Variants in VCF1 observed in about 807,000 individuals in gnomAD.
VCF1 encodes protein VCF1.
the VCF1 span, among the ~76,000 whole-genome samples, chr17:73,224,990 C>CACAGGACAGG: frequency 3.3e-5 from 3 of 92,294 alleles, no homozygotes; most frequent in African/African-American, 1.1e-4. Flanking sequence ...CACAGCACAG[C>CACAGGACAGG]ACAGGACAGG....
At chr17:73,213,188 G>A in the VCF1 span, among the ~76,000 whole-genome samples, 6 of 151,394 alleles carry the variant, frequency 4.0e-5, no homozygotes, top group Non-Finnish European at 8.8e-5. Flanking sequence ...AGGTTGCAGT[G>A]AGCTGAGATC....
At chr17:73,208,082 C>T in the VCF1 span, 1 of 1,423,496 alleles carries the variant, frequency 7.0e-7, no homozygotes, top group Non-Finnish European at 9.2e-7. Flanking sequence ...CTGTGTCTAC[C>T]CTTTTCCCAA....
chr17:73,226,538 A>G, the VCF1 span, among the ~76,000 whole-genome samples: 1 of 152,234 alleles, frequency 6.6e-6, no homozygotes, highest in Non-Finnish European at 1.5e-5. Flanking sequence ...TAGCAGCATT[A>G]CTTTATATTG....
chr17:73,218,224 T>C, the VCF1 span, among the ~76,000 whole-genome samples: 10,071 of 152,274 alleles, frequency 0.066, 416 homozygotes, highest in Non-Finnish European at 0.086. Flanking sequence ...TAAAATTTTG[T>C]GCTTCCAAAG....
the VCF1 span, chr17:73,212,804 T>A: frequency 7.9e-7 from 1 of 1,260,076 alleles, no homozygotes; most frequent in Non-Finnish European, 1.1e-6. Flanking sequence ...TCAAATTATA[T>A]CTATTTCGTA....
the VCF1 span, among the ~76,000 whole-genome samples, chr17:73,224,261 T>C: frequency 1.4e-5 from 1 of 70,352 alleles, no homozygotes; most frequent in African/African-American, 5.8e-5. Flanking sequence ...ACGTCGTCTC[T>C]CCAAAAAAAA....
At chr17:73,225,899 AT>A in the VCF1 span, among the ~76,000 whole-genome samples, 1,212 of 114,712 alleles carry the variant, frequency 0.011, 16 homozygotes, top group African/African-American at 0.038. Context: ...ATATATATAT[AT>A]TTTTTTTTTT....
the VCF1 span, chr17:73,231,973 A>C: frequency 3.3e-6 from 4 of 1,204,336 alleles, no homozygotes; most frequent in Non-Finnish European, 4.6e-6. Context: ...AGTGCACCCC[A>C]CAGGGAGCCC....
chr17:73,229,049 C>T, the VCF1 span, among the ~76,000 whole-genome samples: 1 of 152,166 alleles, frequency 6.6e-6, no homozygotes, highest in Admixed American at 6.6e-5. Flanking sequence ...AAGGAGGTTG[C>T]ATGGCAGAGG....
chr17:73,208,319 C>T, the VCF1 span: 4 of 1,613,384 alleles, frequency 2.5e-6, no homozygotes, highest in South Asian at 3.3e-5. Context: ...GGCAGGTTGT[C>T]CCCCCGGCAC....
chr17:73,222,197 C>A, the VCF1 span, among the ~76,000 whole-genome samples: 155 of 125,906 alleles, frequency 1.2e-3, no homozygotes, highest in South Asian at 1.5e-3. Context: ...GACCCTGTCT[C>A]AAAAAAAAAA....
the VCF1 span, among the ~76,000 whole-genome samples, chr17:73,225,412 GA>G: frequency 2.6e-5 from 4 of 151,910 alleles, no homozygotes; most frequent in Admixed American, 2.6e-4. Flanking sequence ...TAAGAGATCA[GA>G]AATGTTAATT....
At chr17:73,229,432 T>A in the VCF1 span, 2 of 985,464 alleles carry the variant, frequency 2.0e-6, no homozygotes, top group South Asian at 9.4e-5. Flanking sequence ...TATAACTGAT[T>A]ATATTCTTCC....
chr17:73,212,362 G>C, the VCF1 span, among the ~76,000 whole-genome samples: 5 of 152,106 alleles, frequency 3.3e-5, no homozygotes, highest in Non-Finnish European at 5.9e-5. Context: ...ATGGTGCCGA[G>C]GCCATTGGAG....
chr17:73,210,477 A>T, the VCF1 span, among the ~76,000 whole-genome samples: 5 of 149,906 alleles, frequency 3.3e-5, no homozygotes, highest in African/African-American at 1.2e-4. Flanking sequence ...AGTCACTTTC[A>T]TTCTGCAGTT....
At chr17:73,222,160 G>A in the VCF1 span, among the ~76,000 whole-genome samples, 10 of 148,036 alleles carry the variant, frequency 6.8e-5, no homozygotes, top group African/African-American at 2.3e-4. Context: ...ACAGCACCAC[G>A]GCACTCCTGC....
the VCF1 span, among the ~76,000 whole-genome samples, chr17:73,211,795 G>A: frequency 6.6e-6 from 1 of 152,296 alleles, no homozygotes; most frequent in East Asian, 1.9e-4. Flanking sequence ...GGGAGGTGAA[G>A]GTTGCAGTGA....
chr17:73,222,822 G>A, the VCF1 span, among the ~76,000 whole-genome samples: 1 of 151,322 alleles, frequency 6.6e-6, no homozygotes, highest in African/African-American at 2.4e-5. Flanking sequence ...GGCTCTAGCT[G>A]CTCCTGGATA....
chr17:73,228,026 G>T, the VCF1 span, among the ~76,000 whole-genome samples: 1 of 152,264 alleles, frequency 6.6e-6, no homozygotes, highest in South Asian at 2.1e-4. Flanking sequence ...GTCCAATACG[G>T]TAGCCACTAG....
Sources: gnomAD v4.1 joint callset for allele counts (sites outside exome capture counted in the v4.1 genomes callset) on GRCh38, gnomAD v4.1.1 for gene constraint, MANE v1.5 for transcripts, NCBI Gene and HGNC (gene_info 2026-07-23, HGNC 2026-07-21) for gene names.